The following ALX4 variants were observed in gnomAD, a reference collection of about 807,000 sequenced individuals.
ALX4 encodes homeobox protein aristaless-like 4.
ALX4 carries 22 observed loss-of-function variants against 40.6 expected under a neutral mutation model. The observed-to-expected ratio is 0.54, with a 90% CI of 0.39 to 0.77. The LOEUF (loss-of-function observed/expected upper bound fraction) is 0.77, where lower values mean the gene tolerates loss of function less well. ALX4 is among the 30% of genes least tolerant of loss of function. The pLI is 0.00. For missense variants in ALX4, 556 were observed against 564.8 expected (o/e 0.98, Z 0.16); for synonymous variants, 266 against 240.5 (o/e 1.11, Z -0.98).
Position 44,309,731 on chromosome 11 carries a change from T to C in ALX4, c.332A>G (p.Gln111Arg). The change falls in exon 1 of 4, where the codon CAG (glutamine) becomes CGG (arginine). Residue 111 changes from glutamine (Q) to arginine (R), a missense_variant. Gln to Arg is a conservative substitution (Grantham distance 43). Coordinates refer to ENST00000652299, the MANE Select transcript of ALX4 (RefSeq NM_021926.4). ...PPPQPQPQQQ[Q>R]PQPQPPAQPH... is the part of the protein sequence containing the mutation. Reference sequence around the variant, plus strand: ...TTGCGCGGGCGGCTGGGGCTGCGGCTGCTGCTGCTGCGGCTGCGGCTGCGG... The same window carrying C: ...TTGCGCGGGCGGCTGGGGCTGCGGCCGCTGCTGCTGCGGCTGCGGCTGCGG... The C allele has an allele frequency of 6.4e-7, 1 of 1,552,542 alleles. No homozygotes were observed. The highest frequency in any genetic ancestry group is 1.2e-5 in the South Asian group (1 of 84,886).
At chr11:44,270,992 C>T (rs1055084155) in intron 2 of ALX4, among the ~76,000 whole-genome samples, 2 of 152,188 alleles carry the variant, frequency 1.3e-5, no homozygotes, top group East Asian at 1.9e-4. Flanking sequence ...TGGAGCAGGG[C>T]CAAACCCTAG....
intron 1 of ALX4, among the ~76,000 whole-genome samples, chr11:44,295,994 G>A (rs2119867391): frequency 6.6e-6 from 1 of 152,352 alleles, no homozygotes; most frequent in Non-Finnish European, 1.5e-5. Context: ...GTGTCCTTGA[G>A]CTGAATTTCT....
chr11:44,282,091 G>A (rs980789479), intron 1 of ALX4, among the ~76,000 whole-genome samples: 7 of 152,210 alleles, frequency 4.6e-5, no homozygotes, highest in African/African-American at 1.7e-4. Flanking sequence ...ATGTGTTCTG[G>A]GGGGAATGCT....
rs1160211693 is a variant in ALX4 at position 44,263,666 on chromosome 11, CAG to C, written c.*1186_*1187del. 4.6e-5 allele frequency: 7 copies of C among 152,354 alleles called. No homozygotes were observed. In the East Asian group the frequency reaches 1.2e-3, roughly 25 times the overall value. 9.4% of individuals were successfully genotyped at this position (152,354 alleles called of 1,614,324 possible). ...AGGCTCTGGGCAGCGATGACACTGA[CAG>C]ATATGGCAGGGAGGACAGTCAGTTT... is the stretch of plus-strand genomic sequence containing the variant. On this transcript the variant is annotated 3_prime_UTR_variant, in exon 4 of 4. Coordinates refer to ENST00000652299, the MANE Select transcript of ALX4 (RefSeq NM_021926.4).
intron 1 of ALX4, among the ~76,000 whole-genome samples, chr11:44,280,908 G>A (rs545208781): frequency 6.6e-6 from 1 of 152,348 alleles, no homozygotes; most frequent in Non-Finnish European, 1.5e-5. Flanking sequence ...CGTACCACTG[G>A]GAGCTGTCGT....
chr11:44,297,268 A>G (rs951619976), intron 1 of ALX4, among the ~76,000 whole-genome samples: 6 of 152,226 alleles, frequency 3.9e-5, no homozygotes, highest in African/African-American at 1.4e-4. Flanking sequence ...ATATTTTACC[A>G]CAATAAAAAG....
intron 1 of ALX4, among the ~76,000 whole-genome samples, chr11:44,292,925 C>T (rs1209330767): frequency 6.7e-6 from 1 of 150,246 alleles, no homozygotes; most frequent in Non-Finnish European, 1.5e-5. Context: ...GTAAGACCCC[C>T]ATCTCTATAA....
Position 44,271,585 on chromosome 11 carries a change from A to AT in ALX4, c.777+3762dup, listed in dbSNP as rs575680632. Among the ~76,000 whole-genome samples, 159 of 151,894 alleles carry AT rather than the reference A, an allele frequency of 1.0e-3. 1 individual carries two copies. The highest frequency in any genetic ancestry group is 3.7e-3 in the African/African-American group (152 of 41,440). On this transcript the variant is annotated intron_variant, in intron 2 of 3. Transcript: ENST00000652299. ...ATGGCAACCATGAACCTTAGCCTAA[A>AT]TTTTTTTTTACCACATTACCTCTGC... is the stretch of plus-strand genomic sequence containing the variant.
chr11:44,294,614 A>G (rs925841235), intron 1 of ALX4, among the ~76,000 whole-genome samples: 1 of 151,682 alleles, frequency 6.6e-6, no homozygotes, highest in African/African-American at 2.4e-5. Context: ...TCACTCATCC[A>G]TGTTTTAAAA....
intron 2 of ALX4, among the ~76,000 whole-genome samples, chr11:44,270,724 C>T (rs1448824406): frequency 6.6e-6 from 1 of 152,188 alleles, no homozygotes; most frequent in African/African-American, 2.4e-5. Flanking sequence ...GGACAGCCAA[C>T]CACGAGGTCC....
intron 1 of ALX4, among the ~76,000 whole-genome samples, chr11:44,282,791 T>A (rs1311980380): frequency 2.0e-5 from 3 of 152,172 alleles, no homozygotes; most frequent in East Asian, 3.8e-4. Flanking sequence ...ACGGGGACTC[T>A]AGGCAACAGA....
In ALX4 at chr11:44,275,397, G is replaced by T. The variant is rs145166164; in HGVS notation, c.728C>A (p.Ala243Glu). 6.2e-7 allele frequency: 1 copy of T among 1,614,202 alleles called. No individual in the cohort carries two copies. Among genetic ancestry groups the T allele is most frequent in the African/African-American group, 1.3e-5 (1 of 75,054 alleles). ...TGTCCTCATGGCCAGCTGTTCCCGC[G>T]CATACACGTCTGGGTAGTGGGTCTT... ...FQKTHYPDVY[A>E]REQLAMRTDL... Residue 243 changes from alanine (A) to glutamate (E), a missense_variant, in exon 2 of 4, where the codon GCG (alanine) becomes GAG (glutamate). Ala to Glu is a moderately radical substitution (Grantham distance 107). Coordinates refer to ENST00000652299, the MANE Select transcript of ALX4 (RefSeq NM_021926.4).
intron 1 of ALX4, among the ~76,000 whole-genome samples, chr11:44,307,086 G>A (rs1462195872): frequency 1.3e-5 from 2 of 152,110 alleles, no homozygotes; most frequent in African/African-American, 4.8e-5. Context: ...AGCAGTGGCA[G>A]GGACTTGCCC....
chr11:44,267,622 C>T lies in ALX4; in HGVS notation c.778G>A (p.Val260Ile). 6.2e-7 allele frequency: 1 copy of T among 1,614,166 alleles called. No individual in the cohort carries two copies. The highest frequency in any genetic ancestry group is 8.5e-7 in the Non-Finnish European group (1 of 1,180,022). The change falls in exon 3 of 4, where the codon GTC (valine) becomes ATC (isoleucine). Residue 260 changes from valine to isoleucine, a missense_variant and splice_region_variant. Transcript: ENST00000652299. ...TTGGCCCTTCGGTTCTGGAACCAGA[C>T]CTACAAGACGCGAAAAAGCCATTGT... is the stretch of plus-strand genomic sequence containing the variant. Reference protein sequence around the residue: ...RTDLTEARVQVWFQNRRAKWR... With the variant: ...RTDLTEARVQIWFQNRRAKWR...
chr11:44,271,066 T>G (rs1418796450), intron 2 of ALX4, among the ~76,000 whole-genome samples: 1 of 151,362 alleles, frequency 6.6e-6, no homozygotes, highest in Non-Finnish European at 1.5e-5. Context: ...CCACCACCAC[T>G]CTACGCCAGG....
chr11:44,265,073 AG>A lies in ALX4; in HGVS notation c.1016del (p.Pro339LeufsTer12), dbSNP rs1956205216. ...PACMSPHAHP[P>X]GSGASSVTDF... ...CGGTGACGCTGCTGGCCCCAGAGCC[AG>A]GGGGGTGGGCATGAGGGGACATGCA... is the stretch of plus-strand genomic sequence containing the variant. On this transcript the variant is annotated frameshift_variant, in exon 4 of 4. Coordinates refer to ENST00000652299, the MANE Select transcript of ALX4 (RefSeq NM_021926.4). LOFTEE classifies it high-confidence loss of function. 3 of 1,612,934 alleles carry A rather than the reference AG, an allele frequency of 1.9e-6. No individual in the cohort carries two copies. The highest frequency in any genetic ancestry group is 2.5e-6 in the Non-Finnish European group (3 of 1,179,910).
Position 44,290,558 on chromosome 11 carries a change from T to C in ALX4, c.467-14900A>G, listed in dbSNP as rs554240375. ...GCACCTAGCCCAGCCTTGGGGCGAC[T>C]CCAGATCTCTGTAGAGGAGGTGTTT... On this transcript the variant is annotated intron_variant, in intron 1 of 3. Coordinates refer to ENST00000652299, the MANE Select transcript of ALX4 (RefSeq NM_021926.4). Among the ~76,000 whole-genome samples, 27 of 152,328 alleles carry C rather than the reference T, an allele frequency of 1.8e-4. No individual in the cohort carries two copies. The South Asian group carries it at 2.7e-3, about 15-fold the overall frequency.
At chr11:44,302,487 T>C (rs1011159678) in intron 1 of ALX4, among the ~76,000 whole-genome samples, 7 of 152,152 alleles carry the variant, frequency 4.6e-5, no homozygotes, top group African/African-American at 1.7e-4. Context: ...AGCCCAACTG[T>C]ACAAAACACT....
rs532676179 is a variant in ALX4, at chr11:44,294,313, G to T, written c.466+15284C>A. On this transcript the variant is annotated intron_variant, in intron 1 of 3. Coordinates refer to ENST00000652299, the MANE Select transcript of ALX4 (RefSeq NM_021926.4). Reference sequence around the variant, plus strand: ...CCCAGGAAGCTGGGGCCCAGGAAGGGTGCAGAGGTTGCCTGACATTCCCTG... The same window carrying T: ...CCCAGGAAGCTGGGGCCCAGGAAGGTTGCAGAGGTTGCCTGACATTCCCTG... Among the ~76,000 whole-genome samples the T allele has an allele frequency of 2.0e-3, 306 of 152,340 alleles. 1 individual carries two copies. The highest frequency in any genetic ancestry group is 7.2e-3 in the African/African-American group (299 of 41,580).
Sources: allele counts gnomAD v4.1 joint callset (sites outside exome capture counted in the v4.1 genomes callset), GRCh38; gene constraint gnomAD v4.1.1; transcripts MANE v1.5; gene names NCBI Gene and HGNC (gene_info 2026-07-23, HGNC 2026-07-21).